The following REDIC1 variants were observed in gnomAD, a reference collection of about 807,000 sequenced individuals.
The protein encoded by REDIC1 is regulator of DNA class I crossover intermediates 1.
At chr12:39,726,170 T>C in the REDIC1 span, among the ~76,000 whole-genome samples, 1 of 152,006 alleles carries the variant, frequency 6.6e-6, no homozygotes, top group African/African-American at 2.4e-5. Flanking sequence ...CTTCTTCTTC[T>C]TTTTAATTAT....
chr12:39,655,384 T>A, the REDIC1 span, among the ~76,000 whole-genome samples: 1 of 152,158 alleles, frequency 6.6e-6, no homozygotes, highest in African/African-American at 2.4e-5. Flanking sequence ...GAAGTTGTGT[T>A]TAAACAGCTA....
chr12:39,824,217 CA>C, the REDIC1 span, among the ~76,000 whole-genome samples: 27 of 152,216 alleles, frequency 1.8e-4, no homozygotes, highest in Middle Eastern at 3.4e-3. Flanking sequence ...ATTCATTATT[CA>C]GGGGTTTTGA....
At chr12:39,854,182 A>G in the REDIC1 span, among the ~76,000 whole-genome samples, 1 of 152,052 alleles carries the variant, frequency 6.6e-6, no homozygotes, top group East Asian at 1.9e-4. Flanking sequence ...TACCAGTTAC[A>G]TCACTTTAGG....
the REDIC1 span, among the ~76,000 whole-genome samples, chr12:39,686,665 T>C: frequency 1.3e-3 from 194 of 150,720 alleles, 1 homozygote; most frequent in East Asian, 0.029. Context: ...GCTCGTTTTT[T>C]ACTTATGCAA....
At chr12:39,826,854 AT>A in the REDIC1 span, among the ~76,000 whole-genome samples, 660 of 67,418 alleles carry the variant, frequency 9.8e-3, 9 homozygotes, top group African/African-American at 0.042. Flanking sequence ...GTCTCTTTCA[AT>A]TTTTTTTTTT....
chr12:39,743,993 T>C, the REDIC1 span, among the ~76,000 whole-genome samples: 2,548 of 151,970 alleles, frequency 0.017, 67 homozygotes, highest in African/African-American at 0.056. Context: ...GGAAGCTGGA[T>C]AAATGCCAAA....
chr12:39,778,696 C>A, the REDIC1 span, among the ~76,000 whole-genome samples: 1 of 152,142 alleles, frequency 6.6e-6, no homozygotes, highest in Non-Finnish European at 1.5e-5. Context: ...TCATTCATTT[C>A]TTCACTCATT....
At chr12:39,635,743 G>A in the REDIC1 span, among the ~76,000 whole-genome samples, 3 of 152,136 alleles carry the variant, frequency 2.0e-5, no homozygotes, top group South Asian at 2.1e-4. Context: ...GTATAGCTAC[G>A]TAACAAACCT....
the REDIC1 span, among the ~76,000 whole-genome samples, chr12:39,784,257 G>A: frequency 6.6e-6 from 1 of 152,136 alleles, no homozygotes; most frequent in Admixed American, 6.5e-5. Context: ...AAAAGAGCCC[G>A]CATTGCCAAG....
At chr12:39,684,794 G>C in the REDIC1 span, 1 of 1,107,840 alleles carries the variant, frequency 9.0e-7, no homozygotes, top group South Asian at 1.4e-5. Context: ...CCAAGTTTGG[G>C]AACTCTAATT....
At chr12:39,811,921 C>G in the REDIC1 span, among the ~76,000 whole-genome samples, 1 of 152,082 alleles carries the variant, frequency 6.6e-6, no homozygotes, top group African/African-American at 2.4e-5. Context: ...ATTGGAGTTT[C>G]TAAACAATTT....
chr12:39,774,685 T>TA, the REDIC1 span, among the ~76,000 whole-genome samples: 14 of 151,978 alleles, frequency 9.2e-5, no homozygotes, highest in Admixed American at 7.9e-4. Flanking sequence ...TATTTTCTAA[T>TA]AAAAAAGTCT....
At chr12:39,675,914 A>G in the REDIC1 span, among the ~76,000 whole-genome samples, 1 of 152,172 alleles carries the variant, frequency 6.6e-6, no homozygotes, top group Non-Finnish European at 1.5e-5. Flanking sequence ...CACCACATCA[A>G]AGGATCACCC....
chr12:39,683,882 G>GT, the REDIC1 span, among the ~76,000 whole-genome samples: 1 of 152,224 alleles, frequency 6.6e-6, no homozygotes, highest in South Asian at 2.1e-4. Flanking sequence ...TGGGAAGGTT[G>GT]CTTGCTTGGT....
chr12:39,690,906 G>T, the REDIC1 span, among the ~76,000 whole-genome samples: 1 of 152,146 alleles, frequency 6.6e-6, no homozygotes, highest in South Asian at 2.1e-4. Context: ...TCTGAAGTAG[G>T]TATTGGAGTG....
chr12:39,700,936 G>A, the REDIC1 span, among the ~76,000 whole-genome samples: 1 of 152,058 alleles, frequency 6.6e-6, no homozygotes. Flanking sequence ...CCTGAAGGAA[G>A]CACTAAACAT....
the REDIC1 span, among the ~76,000 whole-genome samples, chr12:39,895,174 C>A: frequency 1.3e-5 from 2 of 151,972 alleles, no homozygotes; most frequent in Admixed American, 6.6e-5. Context: ...CAGCCAGAAC[C>A]CTGAGTAACA....
chr12:39,895,687 T>C, the REDIC1 span, among the ~76,000 whole-genome samples: 5 of 58,866 alleles, frequency 8.5e-5, 1 homozygote, highest in Non-Finnish European at 1.9e-4. Flanking sequence ...CGTACACACA[T>C]ATGTATATGC....
the REDIC1 span, chr12:39,755,973 C>T: frequency 6.6e-6 from 1 of 151,920 alleles, no homozygotes; most frequent in Non-Finnish European, 1.5e-5. Context: ...GAGTTGGTAG[C>T]AGTTAGCTAT....
Sources: gnomAD v4.1 joint callset for allele counts (sites outside exome capture counted in the v4.1 genomes callset) on GRCh38, gnomAD v4.1.1 for gene constraint, MANE v1.5 for transcripts, NCBI Gene and HGNC (gene_info 2026-07-23, HGNC 2026-07-21) for gene names.